Variants in NCOA2 observed in about 807,000 individuals in gnomAD.
The protein encoded by NCOA2 is nuclear receptor coactivator 2, also known as class E basic helix-loop-helix protein 75.
A neutral mutation model predicts 145.1 loss-of-function variants in NCOA2; 21 were observed. That is an observed-to-expected ratio of 0.14 (90% CI 0.10 to 0.21). The LOEUF (loss-of-function observed/expected upper bound fraction) is 0.21, where lower values mean the gene tolerates loss of function less well. NCOA2 is among the 10% of genes least tolerant of loss of function. The pLI, the probability that NCOA2 is intolerant of heterozygous loss-of-function variation, is 1.00. For missense variants in NCOA2, 1,472 were observed against 1,837.6 expected (o/e 0.80, Z 3.64); for synonymous variants, 619 against 637.5 (o/e 0.97, Z 0.44).
rs752341386 is a variant in NCOA2 at position 70,210,115 on chromosome 8, G to A, written c.259+3788C>T. ...CAGACCCAGACTGCCCTATTCTTTC[G>A]CTTAATGGCTGTGTGACTTTGCCAG... is the stretch of plus-strand genomic sequence containing the variant. On this transcript the variant is annotated intron_variant, in intron 4 of 22. Transcript: ENST00000452400. Among the ~76,000 whole-genome samples, 22 of 152,112 alleles carry A rather than the reference G, an allele frequency of 1.4e-4. 1 individual carries two copies. Among genetic ancestry groups the A allele is most frequent in the Admixed American group, 3.3e-4 (5 of 15,262 alleles).
chr8:70,154,057 C>G (rs1431557361), intron 11 of NCOA2, among the ~76,000 whole-genome samples: 1 of 152,180 alleles, frequency 6.6e-6, no homozygotes, highest in African/African-American at 2.4e-5. Flanking sequence ...CTTGGCTTCC[C>G]TGAGGATGGC....
At chr8:70,166,871 T>C (rs1813675344) in intron 6 of NCOA2, 117 bp from the exon 7 acceptor site, 1 of 926,186 alleles carries the variant, frequency 1.1e-6, no homozygotes, top group South Asian at 1.7e-5. Context: ...GTACTACTTT[T>C]ATACTTGTCT....
At chr8:70,312,197 A>G (rs550750416) in intron 1 of NCOA2, among the ~76,000 whole-genome samples, 11 of 152,326 alleles carry the variant, frequency 7.2e-5, no homozygotes, top group East Asian at 3.9e-4. Context: ...AGGAAGGGGA[A>G]AAAATGGTGT....
At chr8:70,246,575 C>T (rs1362550949) in intron 2 of NCOA2, among the ~76,000 whole-genome samples, 1 of 152,038 alleles carries the variant, frequency 6.6e-6, no homozygotes, top group Non-Finnish European at 1.5e-5. Context: ...GTAAAATATA[C>T]ATAACACAAA....
At position 70,159,222 on chromosome 8, in the gene NCOA2, TTA is replaced by T. The variant is rs6150644; in HGVS notation, c.1124+281_1124+282del. On this transcript the variant is annotated intron_variant, in intron 10 of 22. Transcript: ENST00000452400. ...ATAATACAAATAATACAGTATAACATTATATATATATATATATATATTTTTTT... is the reference window on the plus strand; with the variant it reads ...ATAATACAAATAATACAGTATAACATTATATATATATATATATATTTTTTT... Among the ~76,000 whole-genome samples the T allele has an allele frequency of 4.7e-4, 21 of 44,490 alleles. No homozygotes were observed. The South Asian group carries it at 6.0e-3, about 13-fold the overall frequency. 29.2% of individuals were successfully genotyped at this position (44,490 alleles called of 152,430 possible).
intron 4 of NCOA2, among the ~76,000 whole-genome samples, chr8:70,204,935 G>C (rs1273642642): frequency 1.3e-5 from 2 of 152,188 alleles, no homozygotes; most frequent in African/African-American, 4.8e-5. Context: ...TTGAACCCGG[G>C]AGGCAGAGGT....
At chr8:70,121,078 A>T (rs1198737147) in intron 22 of NCOA2, among the ~76,000 whole-genome samples, 4 of 152,240 alleles carry the variant, frequency 2.6e-5, no homozygotes, top group Non-Finnish European at 4.4e-5. Context: ...AATAAATAAA[A>T]AAAAATTTAG....
chr8:70,171,978 T>TA (rs909188933), intron 5 of NCOA2, among the ~76,000 whole-genome samples: 3 of 151,988 alleles, frequency 2.0e-5, no homozygotes, highest in African/African-American at 7.3e-5. Context: ...CATGTACCAT[T>TA]ACAAACTTGA....
intron 2 of NCOA2, among the ~76,000 whole-genome samples, chr8:70,276,821 T>C (rs896534343): frequency 1.3e-5 from 2 of 152,134 alleles, no homozygotes; most frequent in Admixed American, 6.5e-5. Context: ...CTCAAAACAA[T>C]TCTCTCAAAT....
chr8:70,361,523 AT>A (rs1463019527), intron 1 of NCOA2, among the ~76,000 whole-genome samples: 2 of 152,210 alleles, frequency 1.3e-5, no homozygotes, highest in African/African-American at 4.8e-5. Context: ...ATAGAAAAAA[AT>A]AACATGTATG....
chr8:70,420,834 G>A, the NCOA2 span, among the ~76,000 whole-genome samples: 19 of 152,148 alleles, frequency 1.2e-4, no homozygotes, highest in African/African-American at 3.4e-4. Context: ...TAGTAGAGAC[G>A]GGGTTTCACC....
chr8:70,409,019 A>G, the NCOA2 span, among the ~76,000 whole-genome samples: 1 of 152,026 alleles, frequency 6.6e-6, no homozygotes, highest in African/African-American at 2.4e-5. Flanking sequence ...TGGGAGGATC[A>G]CTTGAGGCAA....
chr8:70,356,790 C>T (rs993852955), intron 1 of NCOA2, among the ~76,000 whole-genome samples: 5 of 152,118 alleles, frequency 3.3e-5, no homozygotes, highest in African/African-American at 1.2e-4. Flanking sequence ...ATGCTTTTAC[C>T]TCAAAAGGTA....
chr8:70,443,954 AGCAT>A, the NCOA2 span, among the ~76,000 whole-genome samples: 72 of 152,352 alleles, frequency 4.7e-4, no homozygotes, highest in Middle Eastern at 3.4e-3. Flanking sequence ...TATAGAACTA[AGCAT>A]GCACACACGC....
intron 21 of NCOA2, 67 bp downstream of exon 21, chr8:70,123,817 T>G (rs16936734): frequency 7.4e-7 from 1 of 1,355,118 alleles, no homozygotes; most frequent in Non-Finnish European, 1.0e-6. Context: ...GAAAGATATA[T>G]TTGATGCAGA....
chr8:70,381,600 AC>A (rs1812203031), intron 1 of NCOA2, among the ~76,000 whole-genome samples: 1 of 152,250 alleles, frequency 6.6e-6, no homozygotes. Flanking sequence ...TTGTAGTGAC[AC>A]CATATAATTA....
intron 6 of NCOA2, among the ~76,000 whole-genome samples, chr8:70,168,612 A>G (rs1375061817): frequency 6.6e-6 from 1 of 152,214 alleles, no homozygotes; most frequent in East Asian, 1.9e-4. Context: ...TGAGCCACTG[A>G]GCCCAGCCAG....
At chr8:70,261,275 A>G (rs1457372060) in intron 2 of NCOA2, among the ~76,000 whole-genome samples, 2 of 152,354 alleles carry the variant, frequency 1.3e-5, no homozygotes, top group East Asian at 3.9e-4. Flanking sequence ...TGCAGCCATA[A>G]AAATGATGAG....
intron 1 of NCOA2, among the ~76,000 whole-genome samples, chr8:70,365,055 G>A (rs1369200381): frequency 2.0e-5 from 3 of 152,110 alleles, no homozygotes; most frequent in African/African-American, 4.8e-5. Flanking sequence ...ATATGTGTCT[G>A]GGCTCAGTAG....
Sources: gnomAD v4.1 joint callset for allele counts (sites outside exome capture counted in the v4.1 genomes callset) on GRCh38, gnomAD v4.1.1 for gene constraint, MANE v1.5 for transcripts, NCBI Gene and HGNC (gene_info 2026-07-23, HGNC 2026-07-21) for gene names.